The following GPAA1 variants were observed in gnomAD, a reference collection of about 807,000 sequenced individuals.
GPAA1 encodes the protein glycosylphosphatidylinositol anchor attachment 1.
GPAA1 carries 54 observed loss-of-function variants against 64.0 expected under a neutral mutation model. That is an observed-to-expected ratio of 0.84 (90% CI 0.68 to 1.06). The LOEUF is 1.06. GPAA1 is among the 50% of genes least tolerant of loss of function. The pLI, the probability that GPAA1 is intolerant of heterozygous loss-of-function variation, is 0.00. For missense variants in GPAA1, 780 were observed against 822.3 expected (o/e 0.95, Z 0.63); for synonymous variants, 393 against 377.3 (o/e 1.04, Z -0.48).
Position 144,086,158 on chromosome 8 carries a change from C to G in GPAA1, c.*33C>G. The G allele has an allele frequency of 6.3e-7, 1 of 1,595,182 alleles. No individual in the cohort carries two copies. Among genetic ancestry groups the G allele is most frequent in the Middle Eastern group, 1.7e-4 (1 of 6,016 alleles). On this transcript the variant is annotated 3_prime_UTR_variant, in exon 12 of 12. Transcript: ENST00000355091. ...CTGTCCGGGCTGGGACAGAGACTCC[C>G]CAAGGACCCCATTCTGCCTCCTTCT...
rs782145356 is a variant in GPAA1, at chr8:144,085,966, G to C, written c.1707G>C (p.Glu569Asp). Residue 569 changes from glutamate (E) to aspartate (D), a missense_variant, in exon 12 of 12, where the codon GAG (glutamate) becomes GAC (aspartate). Glu to Asp is a conservative substitution (Grantham distance 45, BLOSUM62 2). Transcript: ENST00000355091. The part of the protein sequence containing the change: ...GSLFLWRELQ[E>D]APLSLAEGWQ... ...TGTTCCTGTGGCGGGAGCTGCAGGA[G>C]GCGCCACTGTCACTGGCCGAGGGCT... 6.2e-7 allele frequency: 1 copy of C among 1,606,478 alleles called. No individual in the cohort carries two copies. The highest frequency in any genetic ancestry group is 1.3e-5 in the African/African-American group (1 of 74,940).
At chr8:144,084,357 T>C in intron 6 of GPAA1, 27 bp downstream of exon 6, 1 of 1,612,304 alleles carries the variant, frequency 6.2e-7, no homozygotes, top group Non-Finnish European at 8.5e-7. Flanking sequence ...GCCTGAGGGC[T>C]GAAGGGCACA....
Position 144,085,654 on chromosome 8 carries a change from C to T in GPAA1, c.1533C>T (p.Gly511=), listed in dbSNP as rs1554764275. 4 of 1,613,782 alleles carry T rather than the reference C, an allele frequency of 2.5e-6. No homozygotes were observed. In the East Asian group the frequency reaches 8.9e-5, roughly 36 times the overall value. The change falls in exon 11 of 12, where the codon GGC becomes GGT. Residue 511 remains glycine (G), a synonymous_variant. Transcript: ENST00000355091. The part of the protein sequence containing the change: ...VALIYLALQL[G]CIALTNFSLG... Reference sequence around the variant, plus strand: ...TGATCTACCTAGCACTGCAGCTGGGCTGCATCGCCCTCACCAACTTCTCAC... The same window carrying T: ...TGATCTACCTAGCACTGCAGCTGGGTTGCATCGCCCTCACCAACTTCTCAC...
intron 10 of GPAA1, 24 bp downstream of exon 10, chr8:144,085,503 G>A (rs1453779598): frequency 1.2e-6 from 2 of 1,604,312 alleles, no homozygotes; most frequent in Non-Finnish European, 1.7e-6. Context: ...CTGGTTGTTG[G>A]GGGCAGGGGT....
chr8:144,085,103 GC>G lies in GPAA1; in HGVS notation c.1229del (p.Pro410LeufsTer23). 1 of 1,604,640 alleles carries G rather than the reference GC, an allele frequency of 6.2e-7. No individual in the cohort carries two copies. Among genetic ancestry groups the G allele is most frequent in the Admixed American group, 1.7e-5 (1 of 58,892 alleles). On this transcript the variant is annotated frameshift_variant, in exon 9 of 12. Coordinates refer to ENST00000355091, the MANE Select transcript of GPAA1 (RefSeq NM_003801.4). LOFTEE classifies it high-confidence loss of function. ...AGMGLEEPGGAPGPSVPLPPS... is the reference protein window; with the variant it reads ...AGMGLEEPGGXPGPSVPLPPS... Reference sequence around the variant, plus strand: ...AATGGGCCTTGAGGAGCCCGGGGGTGCCCCTGGCCCCAGTGTACCCCTTCCC... The same window carrying G: ...AATGGGCCTTGAGGAGCCCGGGGGTGCCCTGGCCCCAGTGTACCCCTTCCC...
rs1483302330 is a variant in GPAA1 at position 144,084,275 on chromosome 8, A to G, written c.758A>G (p.Asn253Ser). The G allele has an allele frequency of 6.8e-6, 11 of 1,613,718 alleles. No homozygotes were observed. The highest frequency in any genetic ancestry group is 1.3e-5 in the African/African-American group (1 of 75,024). The change falls in exon 6 of 12, where the codon AAT becomes AGT. Residue 253 changes from asparagine to serine, a missense_variant. By Grantham distance (46) the Asn-to-Ser change is conservative (BLOSUM62 1). Coordinates refer to ENST00000355091, the MANE Select transcript of GPAA1 (RefSeq NM_003801.4). ...CAGCTGCCCAACCTTGACCTGCTCA[A>G]TCTCTTCCAGACCTTCTGCCAGAAA... ...NGQLPNLDLL[N>S]LFQTFCQKGG...
intron 9 of GPAA1, 36 bp downstream of exon 9, chr8:144,085,174 C>T: frequency 1.3e-6 from 2 of 1,481,642 alleles, no homozygotes; most frequent in African/African-American, 1.4e-5. Context: ...GAATGGGCTT[C>T]TGGGGTCTGA....
rs782508119 is a variant in GPAA1, at chr8:144,085,087, TGAG to T, written c.1213_1215del (p.Glu405del). On this transcript the variant is annotated inframe_deletion, in exon 9 of 12. Transcript: ENST00000355091. Reference sequence around the variant, plus strand: ...AGCTGCATGAGGCTGGAATGGGCCTTGAGGAGCCCGGGGGTGCCCCTGGCCCCA... The same window carrying T: ...AGCTGCATGAGGCTGGAATGGGCCTTGAGCCCGGGGGTGCCCCTGGCCCCA... 3 of 1,610,470 alleles carry T rather than the reference TGAG, an allele frequency of 1.9e-6. No homozygotes were observed. The highest frequency in any genetic ancestry group is 1.1e-5 in the South Asian group (1 of 90,660).
rs1468549262 is a variant in GPAA1 at position 144,082,707 on chromosome 8, G to A, written c.-24G>A. 4.9e-6 allele frequency: 7 copies of A among 1,441,412 alleles called. No individual in the cohort carries two copies. Among genetic ancestry groups the A allele is most frequent in the Non-Finnish European group, 5.4e-6 (6 of 1,101,060 alleles). The allele number at this position is 1,441,412 out of a possible 1,614,324, so 89.3% of individuals were successfully genotyped here. ...GGTAGTTGGAGGCGGGAGAGGGTCC[G>A]TAGCCGCGCCGCCCTGCCCCGCCAT... On this transcript the variant is annotated 5_prime_UTR_variant, in exon 1 of 12. Coordinates refer to ENST00000355091, the MANE Select transcript of GPAA1 (RefSeq NM_003801.4).
In GPAA1 at chr8:144,084,588, A is replaced by T. The variant is rs782085518; in HGVS notation, c.989A>T (p.Tyr330Phe). ...ATCAATAGCTTCCGCCAGTACAAGT[A>T]TGACCTGGTGGCAGTGGGCAAGTAA... is the stretch of plus-strand genomic sequence containing the variant. ...RGINSFRQYK[Y>F]DLVAVGKALE... is the part of the protein sequence containing the mutation. Residue 330 changes from tyrosine to phenylalanine, a missense_variant, in exon 7 of 12, where the codon TAT becomes TTT. By Grantham distance (22) the Tyr-to-Phe change is conservative. Coordinates refer to ENST00000355091, the MANE Select transcript of GPAA1 (RefSeq NM_003801.4). The T allele has an allele frequency of 6.2e-7, 1 of 1,612,546 alleles. No homozygotes were observed. Among genetic ancestry groups the T allele is most frequent in the Admixed American group, 1.7e-5 (1 of 60,006 alleles).
intron 1 of GPAA1, 57 bp from the exon 2 acceptor site, chr8:144,083,067 C>T (rs1362649417): frequency 1.3e-6 from 2 of 1,504,256 alleles, no homozygotes; most frequent in East Asian, 2.3e-5. Flanking sequence ...GTTGTGGCCT[C>T]GGGTCGGCGT....
At position 144,085,155 on chromosome 8, in the gene GPAA1, C is replaced by G; in HGVS notation, c.1260+17C>G. The G allele has an allele frequency of 1.3e-6, 2 of 1,517,226 alleles. No individual in the cohort carries two copies. The highest frequency in any genetic ancestry group is 2.4e-5 in the South Asian group (2 of 84,002). The allele number at this position is 1,517,226 out of a possible 1,614,324, so 94.0% of individuals were successfully genotyped here. On this transcript the variant is annotated intron_variant, in intron 9 of 11. Transcript: ENST00000355091. ...CCATCACAGGTGATGGCACCCCCTT[C>G]TGTTGTTGGAATGGGCTTCTGGGGT...
intron 6 of GPAA1, 32 bp downstream of exon 6, chr8:144,084,362 G>A (rs1554764028): frequency 1.9e-6 from 3 of 1,611,254 alleles, no homozygotes; most frequent in African/African-American, 2.7e-5. Context: ...AGGGCTGAAG[G>A]GCACAGGGTC....
Position 144,084,239 on chromosome 8 carries a change from G to T in GPAA1, c.722G>T (p.Gly241Val), listed in dbSNP as rs1554764002. The change falls in exon 6 of 12, where the codon GGG (glycine) becomes GTG (valine). Residue 241 changes from glycine to valine, a missense_variant. Coordinates refer to ENST00000355091, the MANE Select transcript of GPAA1 (RefSeq NM_003801.4). Reference sequence around the variant, plus strand: ...ACCAGCCTCGATGTGGCCGTGGAGGGGCTTAACGGGCAGCTGCCCAACCTT... The same window carrying T: ...ACCAGCCTCGATGTGGCCGTGGAGGTGCTTAACGGGCAGCTGCCCAACCTT... ...VVTSLDVAVE[G>V]LNGQLPNLDL... 2 of 1,613,796 alleles carry T rather than the reference G, an allele frequency of 1.2e-6. No homozygotes were observed. The highest frequency in any genetic ancestry group is 2.7e-5 in the African/African-American group (2 of 75,060).
chr8:144,084,942 A>G (rs1248292249), intron 8 of GPAA1, 67 bp downstream of exon 8: 27 of 1,579,142 alleles, frequency 1.7e-5, no homozygotes, highest in Non-Finnish European at 2.3e-5. Context: ...GGCTGGGGAG[A>G]GTCTTCCATC....
chr8:144,085,315 A>C lies in GPAA1; in HGVS notation c.1287A>C (p.Ala429=), dbSNP rs782122267. The C allele has an allele frequency of 6.2e-7, 1 of 1,607,340 alleles. No individual in the cohort carries two copies. The highest frequency in any genetic ancestry group is 8.5e-7 in the Non-Finnish European group (1 of 1,177,206). Residue 429 remains alanine (A), a synonymous_variant, in exon 10 of 12, where the codon GCA becomes GCC. Transcript: ENST00000355091. ...SQGVGLASLV[A]PLLISQAMGL... is the part of the protein sequence containing the mutation. The stretch of plus-strand genomic sequence containing the variant: ...GTGTGGGGCTGGCCTCGCTCGTGGC[A>C]CCTCTGCTGATCTCACAGGCCATGG...
At position 144,083,854 on chromosome 8, in the gene GPAA1, C is replaced by T. The variant is rs1835949403; in HGVS notation, c.507C>T (p.His169=). The change falls in exon 4 of 12, where the codon CAC becomes CAT. Residue 169 remains histidine (H), a synonymous_variant. Coordinates refer to ENST00000355091, the MANE Select transcript of GPAA1 (RefSeq NM_003801.4). ...AVGLLLALAA[H]FRGQIYWAKD... ...GGCTGCTGCTGGCACTGGCTGCCCA[C>T]TTCCGGGGTGAGTCTCAGGGCTGCT... The T allele has an allele frequency of 3.7e-6, 6 of 1,612,840 alleles. No homozygotes were observed. The highest frequency in any genetic ancestry group is 1.3e-5 in the African/African-American group (1 of 74,950).
In GPAA1 at chr8:144,084,784, TC is replaced by T. The variant is rs1554764105; in HGVS notation, c.1075del (p.Leu359SerfsTer74). Reference protein sequence around the residue: ...HLLERLHQSFFLYLLPGLSRF... With the variant: ...HLLERLHQSFXLYLLPGLSRF... ...CTGGAGCGCCTGCACCAGTCCTTCT[TC>T]CTCTACTTGCTCCCCGGCCTCTCCC... On this transcript the variant is annotated frameshift_variant, in exon 8 of 12. Coordinates refer to ENST00000355091, the MANE Select transcript of GPAA1 (RefSeq NM_003801.4). LOFTEE classifies it high-confidence loss of function. The T allele has an allele frequency of 1.2e-6, 2 of 1,613,844 alleles. No homozygotes were observed. The highest frequency in any genetic ancestry group is 1.7e-6 in the Non-Finnish European group (2 of 1,179,972).
rs1025373689 is a variant in GPAA1 at position 144,084,971 on chromosome 8, C to T, written c.1165-72C>T. The T allele has an allele frequency of 2.8e-5, 44 of 1,545,438 alleles. No individual in the cohort carries two copies. In the East Asian group the frequency reaches 6.8e-4, roughly 24 times the overall value. ...TTCCATCCTGATGGGGGGTGGGGTACGGGGGTGAGCCCTGGGTCCCCCTCT... is the reference window on the plus strand; with the variant it reads ...TTCCATCCTGATGGGGGGTGGGGTATGGGGGTGAGCCCTGGGTCCCCCTCT... On this transcript the variant is annotated intron_variant, in intron 8 of 11. Transcript: ENST00000355091.
Sources: allele counts gnomAD v4.1 joint callset, GRCh38; gene constraint gnomAD v4.1.1; transcripts MANE v1.5; gene names NCBI Gene and HGNC (gene_info 2026-07-23, HGNC 2026-07-21).